GPC6: variants seen among roughly 807,000 people sequenced by gnomAD.
The protein encoded by GPC6 is glypican-6.
GPC6 carries 14 observed loss-of-function variants against 55.2 expected under a neutral mutation model. That is an observed-to-expected ratio of 0.25 (90% CI 0.17 to 0.40). The LOEUF is 0.40. Ranked by LOEUF, GPC6 falls within the 10% of genes least tolerant of loss-of-function variation. GPC6 has a pLI of 1.00. For synonymous variants in GPC6, 278 were observed against 259.6 expected (o/e 1.07, Z -0.68); for missense variants, 641 against 708.5 (o/e 0.90, Z 1.08).
chr13:93,788,689 G>A (rs887957950), intron 2 of GPC6, among the ~76,000 whole-genome samples: 2 of 152,038 alleles, frequency 1.3e-5, no homozygotes, highest in African/African-American at 4.8e-5. Context: ...TTACATGTCA[G>A]TGACTAAGAC....
chr13:93,259,432 C>T (rs1877062800), intron 1 of GPC6, among the ~76,000 whole-genome samples: 2 of 152,190 alleles, frequency 1.3e-5, no homozygotes, highest in South Asian at 4.2e-4. Flanking sequence ...TAGTAATAGG[C>T]ATTCATTTTT....
intron 4 of GPC6, among the ~76,000 whole-genome samples, chr13:94,267,318 G>A (rs1891848746): frequency 6.6e-6 from 1 of 152,124 alleles, no homozygotes; most frequent in South Asian, 2.1e-4. Flanking sequence ...GAAATGTGTG[G>A]AATAGTGTTA....
chr13:94,338,537 G>A (rs1490102635), intron 6 of GPC6, among the ~76,000 whole-genome samples: 1 of 152,126 alleles, frequency 6.6e-6, no homozygotes, highest in African/African-American at 2.4e-5. Context: ...GACCAGCCAT[G>A]GTCCATTTTT....
At chr13:93,310,296 C>T (rs1201714545) in intron 1 of GPC6, among the ~76,000 whole-genome samples, 3 of 152,164 alleles carry the variant, frequency 2.0e-5, no homozygotes, top group Non-Finnish European at 4.4e-5. Context: ...TAATTGTTTC[C>T]AGTCAAGAAA....
chr13:93,595,091 G>A (rs1284618337), intron 2 of GPC6, among the ~76,000 whole-genome samples: 1 of 152,042 alleles, frequency 6.6e-6, no homozygotes, highest in Non-Finnish European at 1.5e-5. Flanking sequence ...TAGTTTGCTA[G>A]GAGTCTCTTT....
At chr13:94,107,777 A>G (rs372592922) in intron 4 of GPC6, among the ~76,000 whole-genome samples, 2 of 152,176 alleles carry the variant, frequency 1.3e-5, no homozygotes, top group Non-Finnish European at 2.9e-5. Context: ...ACCAGCAAAC[A>G]TGTGAAAAAA....
At chr13:93,373,512 G>A (rs546407174) in intron 1 of GPC6, among the ~76,000 whole-genome samples, 1 of 152,228 alleles carries the variant, frequency 6.6e-6, no homozygotes, top group East Asian at 1.9e-4. Context: ...AAAGTATAAA[G>A]AGTGACTTTA....
intron 4 of GPC6, among the ~76,000 whole-genome samples, chr13:94,220,572 G>C (rs1052843587): frequency 6.6e-6 from 1 of 152,026 alleles, no homozygotes; most frequent in African/African-American, 2.4e-5. Context: ...ACCACAAACA[G>C]AGGGGCTTAA....
intron 7 of GPC6, among the ~76,000 whole-genome samples, chr13:94,387,524 C>T (rs926348957): frequency 5.3e-5 from 8 of 152,164 alleles, no homozygotes; most frequent in African/African-American, 1.9e-4. Context: ...AGGGTGCAGG[C>T]TAAACTCTTG....
At chr13:94,208,911 A>G (rs1372510404) in intron 4 of GPC6, among the ~76,000 whole-genome samples, 1 of 152,088 alleles carries the variant, frequency 6.6e-6, no homozygotes, top group African/African-American at 2.4e-5. Context: ...TGGGAGATGG[A>G]GCAAGACCCT....
chr13:93,816,244 TTATC>T (rs1460742610), intron 2 of GPC6, among the ~76,000 whole-genome samples: 2 of 152,136 alleles, frequency 1.3e-5, no homozygotes, highest in Non-Finnish European at 2.9e-5. Context: ...TAGATGGAAA[TTATC>T]TATATTTTAA....
At chr13:93,549,980 G>T (rs1875052094) in intron 2 of GPC6, among the ~76,000 whole-genome samples, 1 of 152,128 alleles carries the variant, frequency 6.6e-6, no homozygotes, top group Non-Finnish European at 1.5e-5. Context: ...AATGGATACT[G>T]TTGAAAAATT....
chr13:94,032,702 C>G (rs187459131), intron 4 of GPC6, among the ~76,000 whole-genome samples: 43 of 152,262 alleles, frequency 2.8e-4, no homozygotes, highest in African/African-American at 1.0e-3. Context: ...GTGGGGGAAG[C>G]CAGCAAAGCC....
chr13:93,979,926 C>T (rs1566632442), intron 3 of GPC6, among the ~76,000 whole-genome samples: 1 of 152,018 alleles, frequency 6.6e-6, no homozygotes, highest in South Asian at 2.1e-4. Flanking sequence ...CTATAAACTC[C>T]AGCCTTCTCA....
chr13:94,136,811 A>G (rs905195115), intron 4 of GPC6, among the ~76,000 whole-genome samples: 2 of 152,212 alleles, frequency 1.3e-5, no homozygotes, highest in African/African-American at 4.8e-5. Context: ...TGTGTTTCAG[A>G]ATGATTATCA....
intron 6 of GPC6, among the ~76,000 whole-genome samples, chr13:94,338,501 C>T (rs1169692565): frequency 4.6e-5 from 7 of 152,178 alleles, no homozygotes; most frequent in African/African-American, 7.2e-5. Context: ...TCAATAATTA[C>T]ACCATATTTG....
At chr13:93,378,077 G>A (rs952368474) in intron 1 of GPC6, among the ~76,000 whole-genome samples, 2 of 152,162 alleles carry the variant, frequency 1.3e-5, no homozygotes, top group South Asian at 2.1e-4. Context: ...ACATTCTAAG[G>A]TATTTTAAAA....
chr13:93,356,290 A>G (rs1165965041), intron 1 of GPC6, among the ~76,000 whole-genome samples: 1 of 152,172 alleles, frequency 6.6e-6, no homozygotes, highest in African/African-American at 2.4e-5. Context: ...GAGATACGAC[A>G]CACTTATTTT....
chr13:94,178,025 A>ATTTTTTTTTTTTTTTTTT (rs767978319), intron 4 of GPC6, among the ~76,000 whole-genome samples: 2,267 of 132,222 alleles, frequency 0.017, 127 homozygotes, highest in Non-Finnish European at 0.026. Flanking sequence ...TGGCCTTTTA[A>ATTTTTTTTTTTTTTTTTT]TTTTTTTTTT....
Sources: allele counts gnomAD v4.1 joint callset (sites outside exome capture counted in the v4.1 genomes callset), GRCh38; gene constraint gnomAD v4.1.1; transcripts MANE v1.5; gene names NCBI Gene and HGNC (gene_info 2026-07-23, HGNC 2026-07-21).